Variants in ATP5PF observed in about 807,000 individuals in gnomAD.
ATP5PF encodes ATP synthase peripheral stalk subunit F6, mitochondrial.
Under a neutral mutation model 12.0 loss-of-function variants are expected in ATP5PF, and 7 were observed. The observed-to-expected ratio is 0.58, with a 90% CI of 0.33 to 1.10. The LOEUF (loss-of-function observed/expected upper bound fraction) is 1.10, where lower values mean the gene tolerates loss of function less well. ATP5PF is among the 50% of genes least tolerant of loss of function. ATP5PF has a pLI of 0.03. For synonymous variants in ATP5PF, 41 were observed against 45.4 expected, an observed-to-expected ratio of 0.90 and a Z score of 0.39; for missense variants, 120 against 127.7, an observed-to-expected ratio of 0.94 and a Z score of 0.29.
At chr21:25,728,414 A>G (rs998552688) in intron 2 of ATP5PF, among the ~76,000 whole-genome samples, 1 of 152,130 alleles carries the variant, frequency 6.6e-6, no homozygotes, top group African/African-American at 2.4e-5. Context: ...ACCATTCACC[A>G]AATATATTTT....
chr21:25,734,341 G>C (rs2034921946), intron 1 of ATP5PF: 1 of 986,370 alleles, frequency 1.0e-6, no homozygotes, highest in East Asian at 1.1e-4. Flanking sequence ...ACCGGCCAAA[G>C]GTTAGTAGGT....
chr21:25,733,767 C>T (rs963333864), intron 1 of ATP5PF, among the ~76,000 whole-genome samples: 1 of 152,130 alleles, frequency 6.6e-6, no homozygotes, highest in Non-Finnish European at 1.5e-5. Flanking sequence ...TGTTCTTATC[C>T]CTGCTTTACA....
intron 3 of ATP5PF, 48 bp downstream of exon 3, chr21:25,725,178 T>C (rs1257286464): frequency 3.2e-6 from 5 of 1,570,266 alleles, no homozygotes; most frequent in African/African-American, 1.4e-5. Context: ...GTGTAAATAT[T>C]CTTCACTTAT....
chr21:25,734,683 G>C (rs2034947721), intron 1 of ATP5PF, 170 bp downstream of exon 1: 2 of 645,062 alleles, frequency 3.1e-6, no homozygotes, highest in South Asian at 4.7e-5. Flanking sequence ...CAAACTCCAA[G>C]GTCTACAAAC....
chr21:25,731,557 AC>A (rs1438891040), intron 1 of ATP5PF, among the ~76,000 whole-genome samples: 2 of 143,482 alleles, frequency 1.4e-5, no homozygotes, highest in Non-Finnish European at 3.1e-5. Flanking sequence ...GCTAATTTTT[AC>A]TTTTTTTTTT....
chr21:25,733,821 TCA>T (rs1044943151), intron 1 of ATP5PF, among the ~76,000 whole-genome samples: 2 of 152,060 alleles, frequency 1.3e-5, no homozygotes, highest in Non-Finnish European at 2.9e-5. Context: ...GCACGTATTC[TCA>T]CAGTTAATTT....
intron 1 of ATP5PF, among the ~76,000 whole-genome samples, chr21:25,730,220 G>A (rs2034723971): frequency 6.6e-6 from 1 of 152,154 alleles, no homozygotes; most frequent in South Asian, 2.1e-4. Flanking sequence ...CTGAAAATGT[G>A]TACTTCACAG....
At chr21:25,731,513 T>C (rs930423443) in intron 1 of ATP5PF, among the ~76,000 whole-genome samples, 7 of 151,448 alleles carry the variant, frequency 4.6e-5, no homozygotes, top group African/African-American at 1.7e-4. Context: ...GCCTCCCAAG[T>C]AGATGGGAGC....
intron 2 of ATP5PF, among the ~76,000 whole-genome samples, chr21:25,728,353 T>C (rs1341539459): frequency 6.6e-6 from 1 of 152,164 alleles, no homozygotes; most frequent in East Asian, 1.9e-4. Context: ...TCTAACCCCA[T>C]ACCATCCTTA....
At chr21:25,727,677 C>T (rs1218252679) in intron 2 of ATP5PF, among the ~76,000 whole-genome samples, 1 of 152,186 alleles carries the variant, frequency 6.6e-6, no homozygotes, top group African/African-American at 2.4e-5. Flanking sequence ...TAAGAATTCA[C>T]TTCTTACTAG....
intron 3 of ATP5PF, 131 bp from the exon 4 acceptor site, chr21:25,724,808 A>T: frequency 1.1e-6 from 1 of 875,752 alleles, no homozygotes; most frequent in Non-Finnish European, 1.8e-6. Flanking sequence ...ATTTACATAG[A>T]AATATAGCTA....
At chr21:25,729,544 T>C in intron 2 of ATP5PF, 87 bp downstream of exon 2, 3 of 1,308,792 alleles carry the variant, frequency 2.3e-6, no homozygotes, top group Non-Finnish European at 2.1e-6. Context: ...GTCTAATACT[T>C]TCAAATACCA....
intron 2 of ATP5PF, among the ~76,000 whole-genome samples, chr21:25,727,581 G>A (rs2034650318): frequency 6.6e-6 from 1 of 152,056 alleles, no homozygotes; most frequent in Admixed American, 6.5e-5. Context: ...GCCAGCCCAG[G>A]GTCTACCCTC....
chr21:25,728,381 A>G (rs1344316567), intron 2 of ATP5PF, among the ~76,000 whole-genome samples: 2 of 152,100 alleles, frequency 1.3e-5, no homozygotes, highest in South Asian at 2.1e-4. Context: ...CATATACCCT[A>G]TACTCCAGGG....
intron 2 of ATP5PF, among the ~76,000 whole-genome samples, chr21:25,727,767 C>T (rs1432312794): frequency 6.6e-6 from 1 of 152,200 alleles, no homozygotes; most frequent in African/African-American, 2.4e-5. Context: ...AGAAGACACT[C>T]AAAATTCCCT....
At chr21:25,727,724 C>T (rs2034654929) in intron 2 of ATP5PF, among the ~76,000 whole-genome samples, 1 of 152,186 alleles carries the variant, frequency 6.6e-6, no homozygotes, top group African/African-American at 2.4e-5. Flanking sequence ...ATGCAAACAG[C>T]ATCAATACTC....
intron 1 of ATP5PF, among the ~76,000 whole-genome samples, chr21:25,733,537 T>G (rs866493981): frequency 5.3e-5 from 8 of 151,860 alleles, no homozygotes; most frequent in African/African-American, 1.9e-4. Flanking sequence ...AAAAAAAAAG[T>G]ATCTGGTCAA....
upstream of ATP5PF, chr21:25,735,249 A>T (rs2034994908): frequency 5.5e-6 from 3 of 546,112 alleles, no homozygotes; most frequent in Non-Finnish European, 6.6e-6. Context: ...ATCGAAGTGT[A>T]TAAAGGTGCA....
At position 25,724,786 on chromosome 21, in the gene ATP5PF, CTGTT is replaced by C; in HGVS notation, c.290-113_290-110del. On this transcript the variant is annotated intron_variant, in intron 3 of 3. Transcript: ENST00000284971. ...AATTTTCTGATTTTTTTAGTAAACA[CTGTT>C]TGTAAACATTTACATAGAAATATAG... The C allele has an allele frequency of 3.6e-6, 4 of 1,113,124 alleles. No homozygotes were observed. In the South Asian group the frequency reaches 4.2e-5, roughly 12 times the overall value. 69.0% of individuals were successfully genotyped at this position (1,113,124 alleles called of 1,614,324 possible). A position where few individuals can be genotyped will look rare whatever the true frequency, so the allele number is the denominator to read the frequency against.
Sources: allele counts gnomAD v4.1 joint callset (sites outside exome capture counted in the v4.1 genomes callset), GRCh38; gene constraint gnomAD v4.1.1; transcripts MANE v1.5; gene names NCBI Gene and HGNC (gene_info 2026-07-23, HGNC 2026-07-21).